Variants in PLEKHM3 observed in about 807,000 individuals in gnomAD.
PLEKHM3 encodes the protein pleckstrin homology domain-containing family M member 3.
In PLEKHM3, 45 loss-of-function variants were observed where a neutral mutation model predicts 81.8. That is an observed-to-expected ratio of 0.55 (90% CI 0.43 to 0.71). PLEKHM3 has a LOEUF of 0.71. Ranked by LOEUF, PLEKHM3 falls within the 30% of genes least tolerant of loss-of-function variation. The probability of loss-of-function intolerance (pLI) is 0.00; values close to 1 mark genes in which losing one functional copy is unlikely to be tolerated. For missense variants in PLEKHM3, 788 were observed against 924.3 expected, an observed-to-expected ratio of 0.85 and a Z score of 1.91; for synonymous variants, 352 against 356.4, an observed-to-expected ratio of 0.99 and a Z score of 0.14.
At chr2:207,947,695 A>T (rs1460914410) in intron 3 of PLEKHM3, among the ~76,000 whole-genome samples, 1 of 152,190 alleles carries the variant, frequency 6.6e-6, no homozygotes, top group Non-Finnish European at 1.5e-5. Context: ...AAAATGAATT[A>T]CTCTTTCAGT....
At chr2:207,995,707 C>A (rs1692098093) in intron 2 of PLEKHM3, among the ~76,000 whole-genome samples, 1 of 152,208 alleles carries the variant, frequency 6.6e-6, no homozygotes, top group South Asian at 2.1e-4. Flanking sequence ...GTGTTAGCTG[C>A]CACTGCCATT....
intron 6 of PLEKHM3, among the ~76,000 whole-genome samples, chr2:207,867,842 T>TA: frequency 6.6e-6 from 1 of 152,132 alleles, no homozygotes; most frequent in East Asian, 1.9e-4. Flanking sequence ...GGTAGGGGCT[T>TA]AAGGGGCCAT....
intron 5 of PLEKHM3, among the ~76,000 whole-genome samples, chr2:207,922,247 C>T (rs1372871594): frequency 6.6e-6 from 1 of 152,130 alleles, no homozygotes; most frequent in Non-Finnish European, 1.5e-5. Context: ...GATGCTTTCT[C>T]TTCTTTCTAA....
At chr2:207,884,283 T>C (rs13419959) in intron 6 of PLEKHM3, among the ~76,000 whole-genome samples, 33,883 of 152,136 alleles carry the variant, frequency 0.22, 4,173 homozygotes, top group Middle Eastern at 0.33. Flanking sequence ...AGGAACTAGA[T>C]ACGATGTCTG....
chr2:207,880,333 G>C (rs2092580229), intron 6 of PLEKHM3, among the ~76,000 whole-genome samples: 1 of 152,050 alleles, frequency 6.6e-6, no homozygotes, highest in South Asian at 2.1e-4. Flanking sequence ...CTTGAACCCA[G>C]GGGGCGAAGG....
chr2:207,839,354 GAAGAT>G (rs1455300840), intron 7 of PLEKHM3, among the ~76,000 whole-genome samples: 1 of 152,076 alleles, frequency 6.6e-6, no homozygotes, highest in Non-Finnish European at 1.5e-5. Context: ...AAAAAGTCTA[GAAGAT>G]AAGCCCTATC....
intron 3 of PLEKHM3, among the ~76,000 whole-genome samples, chr2:207,973,861 A>T (rs1288800009): frequency 6.6e-6 from 1 of 152,256 alleles, no homozygotes; most frequent in African/African-American, 2.4e-5. Context: ...GAAAGGGCAT[A>T]TAAATGGAAC....
chr2:207,830,794 C>T (rs1466836648), intron 7 of PLEKHM3, among the ~76,000 whole-genome samples: 2 of 151,948 alleles, frequency 1.3e-5, no homozygotes, highest in African/African-American at 4.8e-5. Context: ...GGGACATACA[C>T]ACTCCTGCAA....
chr2:207,977,612 A>G (rs567271307), intron 2 of PLEKHM3, 26 bp from the exon 3 acceptor site: 4 of 1,549,240 alleles, frequency 2.6e-6, no homozygotes, highest in South Asian at 2.5e-5. Context: ...GAGGCAAAGT[A>G]TTGATTAGAA....
intron 5 of PLEKHM3, among the ~76,000 whole-genome samples, chr2:207,923,880 C>CACACACATATATATATATAT (rs1319162543): frequency 4.6e-4 from 26 of 56,760 alleles, no homozygotes; most frequent in South Asian, 2.4e-3. Flanking sequence ...CACACACACA[C>CACACACATATATATATATAT]ATATATATAT....
At chr2:207,854,081 AT>A (rs56112035) in intron 7 of PLEKHM3, among the ~76,000 whole-genome samples, 39,716 of 150,684 alleles carry the variant, frequency 0.26, 5,325 homozygotes, top group Non-Finnish European at 0.29. Flanking sequence ...CCAGCCCTGA[AT>A]TTTTTTTTTA....
chr2:207,957,195 T>G (rs887330346), intron 3 of PLEKHM3, among the ~76,000 whole-genome samples: 3 of 152,224 alleles, frequency 2.0e-5, no homozygotes, highest in Admixed American at 6.5e-5. Flanking sequence ...TCAAAAAATT[T>G]GAGCTACCAG....
chr2:207,949,783 A>T (rs541233199), intron 3 of PLEKHM3, among the ~76,000 whole-genome samples: 3 of 152,170 alleles, frequency 2.0e-5, no homozygotes, highest in Non-Finnish European at 2.9e-5. Context: ...CACTAAAAAA[A>T]ATTTTTTTTG....
intron 3 of PLEKHM3, among the ~76,000 whole-genome samples, chr2:207,951,651 G>C (rs1690330803): frequency 6.6e-6 from 1 of 152,066 alleles, no homozygotes; most frequent in Non-Finnish European, 1.5e-5. Flanking sequence ...AATCCTATTT[G>C]CTGCACGTAC....
At chr2:207,906,394 A>C (rs1196437272) in intron 6 of PLEKHM3, among the ~76,000 whole-genome samples, 3 of 152,236 alleles carry the variant, frequency 2.0e-5, no homozygotes, top group Non-Finnish European at 4.4e-5. Flanking sequence ...TGATATGTGC[A>C]AATAGGTTTC....
chr2:207,988,046 A>G (rs570679020), intron 2 of PLEKHM3, among the ~76,000 whole-genome samples: 3 of 152,330 alleles, frequency 2.0e-5, no homozygotes, highest in African/African-American at 7.2e-5. Context: ...CTCACCTTCT[A>G]TCATATCTTT....
intron 3 of PLEKHM3, among the ~76,000 whole-genome samples, chr2:207,961,160 G>A (rs1690717914): frequency 6.6e-6 from 1 of 152,214 alleles, no homozygotes; most frequent in Admixed American, 6.5e-5. Flanking sequence ...CCCACTGAGT[G>A]TGGATGCCTC....
intron 6 of PLEKHM3, among the ~76,000 whole-genome samples, chr2:207,866,034 ATAAAC>A (rs931557590): frequency 1.4e-4 from 21 of 151,626 alleles, no homozygotes; most frequent in South Asian, 4.2e-4. Flanking sequence ...CTCTAGATTA[ATAAAC>A]TAATCTCCTA....
At chr2:207,855,137 C>G (rs1201197457) in intron 7 of PLEKHM3, among the ~76,000 whole-genome samples, 7 of 152,034 alleles carry the variant, frequency 4.6e-5, no homozygotes, top group African/African-American at 7.2e-5. Context: ...ATGTCTGTTC[C>G]TAGGATTAGG....
Sources: gnomAD v4.1 joint callset for allele counts (sites outside exome capture counted in the v4.1 genomes callset) on GRCh38, gnomAD v4.1.1 for gene constraint, MANE v1.5 for transcripts, NCBI Gene and HGNC (gene_info 2026-07-23, HGNC 2026-07-21) for gene names.